Variants in EHD2 observed in about 807,000 individuals in gnomAD.
EHD2 encodes EH domain containing 2, also known as EH domain-containing protein 2.
Under a neutral mutation model 41.0 loss-of-function variants are expected in EHD2, and 27 were observed. The ratio of observed to expected loss-of-function variants is 0.66; its 90% CI spans 0.49 to 0.91. EHD2 has a LOEUF of 0.91. Among genes scored for constraint, EHD2 ranks in the 40% least tolerant of loss-of-function variants. The pLI is 0.00. For synonymous variants in EHD2, 342 were observed against 341.0 expected (o/e 1.00, Z -0.03); for missense variants, 673 against 773.9 (o/e 0.87, Z 1.55).
chr19:47,718,620 G>A lies in EHD2; in HGVS notation c.502+14G>A. ...GAGTGAGCCGCGGTGAGTGGGGCCA[G>A]ACCCTGGGGTCTGAGGGAGGAGGGG... On this transcript the variant is annotated intron_variant, in intron 3 of 5. Coordinates refer to ENST00000263277, the MANE Select transcript of EHD2 (RefSeq NM_014601.4). The A allele has an allele frequency of 6.4e-7, 1 of 1,554,468 alleles. No individual in the cohort carries two copies. The highest frequency in any genetic ancestry group is 2.4e-5 in the East Asian group (1 of 41,386).
At chr19:47,736,952 C>CTGGG (rs1966929213) in intron 5 of EHD2, among the ~76,000 whole-genome samples, 1 of 151,836 alleles carries the variant, frequency 6.6e-6, no homozygotes, top group Non-Finnish European at 1.5e-5. Context: ...GGGAAGGGGG[C>CTGGG]CAGGCATGGT....
At chr19:47,720,856 T>C (rs1339910457) in intron 3 of EHD2, among the ~76,000 whole-genome samples, 1 of 152,030 alleles carries the variant, frequency 6.6e-6, no homozygotes, top group African/African-American at 2.4e-5. Flanking sequence ...TGAGAATGTG[T>C]GTGTGTGCAG....
intron 1 of EHD2, among the ~76,000 whole-genome samples, 165 bp downstream of exon 1, chr19:47,713,703 C>A: frequency 6.6e-6 from 1 of 150,674 alleles, no homozygotes; most frequent in Non-Finnish European, 1.5e-5. Context: ...AACCATGTCC[C>A]CCACTCTTCC....
At chr19:47,728,185 A>G (rs1387717017) in intron 4 of EHD2, among the ~76,000 whole-genome samples, 1 of 151,478 alleles carries the variant, frequency 6.6e-6, no homozygotes, top group Non-Finnish European at 1.5e-5. Context: ...TTGTGGCCAC[A>G]GATTGTCCCC....
At chr19:47,733,775 A>AAAAAAAAAAAAAC in intron 4 of EHD2, among the ~76,000 whole-genome samples, 1 of 142,182 alleles carries the variant, frequency 7.0e-6, no homozygotes, top group Non-Finnish European at 1.5e-5. Context: ...AAAAAAAAAA[A>AAAAAAAAAAAAAC]TCCACTGTCC....
chr19:47,722,906 G>A (rs1973712447), intron 3 of EHD2, among the ~76,000 whole-genome samples: 1 of 152,170 alleles, frequency 6.6e-6, no homozygotes, highest in African/African-American at 2.4e-5. Flanking sequence ...TCCTCATCTG[G>A]AAAATGGGGT....
chr19:47,714,643 T>C lies in EHD2; in HGVS notation c.-56+1105T>C, dbSNP rs115358943. On this transcript the variant is annotated intron_variant, in intron 1 of 5. Coordinates refer to ENST00000263277, the MANE Select transcript of EHD2 (RefSeq NM_014601.4). ...TATAATAGGATTGCAACCTCTGAGGTCAGGCTGCCTGTGTTTGAGTCCCAG... is the reference window on the plus strand; with the variant it reads ...TATAATAGGATTGCAACCTCTGAGGCCAGGCTGCCTGTGTTTGAGTCCCAG... 1.4e-3 allele frequency among the ~76,000 whole-genome samples: 219 copies of C among 152,234 alleles called. 1 individual carries two copies. The highest frequency in any genetic ancestry group is 5.1e-3 in the African/African-American group (212 of 41,540).
chr19:47,717,983 C>T (rs947625165), intron 2 of EHD2, among the ~76,000 whole-genome samples: 2 of 147,970 alleles, frequency 1.4e-5, no homozygotes, highest in Non-Finnish European at 3.0e-5. Flanking sequence ...CTTGGAATAG[C>T]ACCTGGTGGC....
At chr19:47,715,939 T>C (rs1426626925) in intron 1 of EHD2, among the ~76,000 whole-genome samples, 1 of 151,970 alleles carries the variant, frequency 6.6e-6, no homozygotes, top group East Asian at 1.9e-4. Context: ...GGCTAATTTT[T>C]TGTATGTTTA....
intron 5 of EHD2, among the ~76,000 whole-genome samples, chr19:47,737,075 C>T (rs888888372): frequency 6.6e-6 from 1 of 151,540 alleles, no homozygotes; most frequent in African/African-American, 2.4e-5. Flanking sequence ...ACTAAAAATA[C>T]AAAAAATTAG....
Position 47,716,797 on chromosome 19 carries a change from T to A in EHD2, c.185T>A (p.Leu62Gln), listed in dbSNP as rs1393064558. Residue 62 changes from leucine to glutamine, a missense_variant, in exon 2 of 6, where the codon CTG (leucine) becomes CAG (glutamine). Coordinates refer to ENST00000263277, the MANE Select transcript of EHD2 (RefSeq NM_014601.4). ...DADFDGKPMVLVAGQYSTGKT... is the reference protein window; with the variant it reads ...DADFDGKPMVQVAGQYSTGKT... ...GACTTCGACGGCAAGCCCATGGTGC[T>A]GGTGGCCGGCCAGTACAGCACGGGC... 6.2e-7 allele frequency: 1 copy of A among 1,611,422 alleles called. No homozygotes were observed. Among genetic ancestry groups the A allele is most frequent in the Non-Finnish European group, 8.5e-7 (1 of 1,178,728 alleles).
chr19:47,725,028 T>G (rs1973735704), intron 3 of EHD2, among the ~76,000 whole-genome samples: 1 of 140,992 alleles, frequency 7.1e-6, no homozygotes. Flanking sequence ...AATTATCATC[T>G]GCTATGGCAA....
intron 4 of EHD2, among the ~76,000 whole-genome samples, chr19:47,733,770 A>AAAAAAAAAAAAAAAAAAAAC (rs1211641118): frequency 1.3e-5 from 2 of 149,812 alleles, no homozygotes; most frequent in African/African-American, 2.4e-5. Flanking sequence ...AAAAAAAAAA[A>AAAAAAAAAAAAAAAAAAAAC]AAAAATCCAC....
chr19:47,719,675 C>T lies in EHD2; in HGVS notation c.502+1069C>T, dbSNP rs1181379655. On this transcript the variant is annotated intron_variant, in intron 3 of 5. Transcript: ENST00000263277. This position sits in a 1 kb window ranked among gnomAD's most constrained non-coding sequence, Gnocchi z 4.1. ...TGGGGGTGACCATGTCTCTGGCTGC[C>T]GTCCAGAGGCCCCACGGGAGAAAGG... is the stretch of plus-strand genomic sequence containing the variant. Among the ~76,000 whole-genome samples, 4 of 152,104 alleles carry T rather than the reference C, an allele frequency of 2.6e-5. No individual in the cohort carries two copies. The highest frequency in any genetic ancestry group is 2.1e-4 in the South Asian group (1 of 4,834).
In EHD2 at chr19:47,728,251, C is replaced by T. The variant is rs190149123; in HGVS notation, c.915+2027C>T. 3.3e-5 allele frequency among the ~76,000 whole-genome samples: 5 copies of T among 152,202 alleles called. 1 individual carries two copies. The highest frequency in any genetic ancestry group is 2.6e-4 in the Admixed American group (4 of 15,250). On this transcript the variant is annotated intron_variant, in intron 4 of 5. Transcript: ENST00000263277. ...CCCATTCCCTTCCCAGCGTCCCCTG[C>T]ACTTCACGCTGGTGGCCTCAGTCCT...
chr19:47,716,379 A>G (rs184586221), intron 1 of EHD2, among the ~76,000 whole-genome samples, 179 bp from the exon 2 acceptor site: 1 of 152,034 alleles, frequency 6.6e-6, no homozygotes, highest in East Asian at 1.9e-4. Context: ...GCCTGGCCCA[A>G]TTCCATTCTT....
chr19:47,720,488 T>C (rs2123639016), intron 3 of EHD2, among the ~76,000 whole-genome samples: 2 of 152,146 alleles, frequency 1.3e-5, no homozygotes, highest in South Asian at 4.2e-4. Context: ...TGACTTTGTG[T>C]GACTCTGAAG....
Position 47,718,523 on chromosome 19 carries a change from A to G in EHD2, c.419A>G (p.Gln140Arg), listed in dbSNP as rs1251071659. ...TCTGCCCCCAGGTTCATGTGTGCCC[A>G]GCTCCCTAATCAGGTCCTGGAGAGC... is the stretch of plus-strand genomic sequence containing the variant. ...NTFLNRFMCA[Q>R]LPNQVLESIS... The change falls in exon 3 of 6, where the codon CAG becomes CGG. Residue 140 changes from glutamine (Q) to arginine (R), a missense_variant. By Grantham distance (43) the Gln-to-Arg change is conservative (BLOSUM62 1). Coordinates refer to ENST00000263277, the MANE Select transcript of EHD2 (RefSeq NM_014601.4). The G allele has an allele frequency of 2.5e-6, 4 of 1,582,970 alleles. No individual in the cohort carries two copies. The highest frequency in any genetic ancestry group is 3.4e-6 in the Non-Finnish European group (4 of 1,163,976).
chr19:47,715,708 T>A (rs1973617968), intron 1 of EHD2, among the ~76,000 whole-genome samples: 1 of 152,190 alleles, frequency 6.6e-6, no homozygotes, highest in African/African-American at 2.4e-5. Flanking sequence ...GGTCTTCCAC[T>A]ACCACCATCA....
Sources: gnomAD v4.1 joint callset for allele counts (sites outside exome capture counted in the v4.1 genomes callset) on GRCh38, gnomAD v4.1.1 for gene constraint, Gnocchi (gnomAD v3.1) non-coding constraint, MANE v1.5 for transcripts, NCBI Gene and HGNC (gene_info 2026-07-23, HGNC 2026-07-21) for gene names.